Variants in TNFSF4 observed in about 807,000 individuals in gnomAD.
The protein encoded by TNFSF4 is TNF superfamily member 4.
Under a neutral mutation model 7.3 loss-of-function variants are expected in TNFSF4, and 4 were observed. That is an observed-to-expected ratio of 0.55 (90% CI 0.27 to 1.25). The LOEUF is 1.25. Ranked by LOEUF, TNFSF4 falls within the 50% of genes most tolerant of loss-of-function variation. TNFSF4 has a pLI of 0.12. For missense variants in TNFSF4, 181 were observed against 208.8 expected (o/e 0.87, Z 0.82); for synonymous variants, 76 against 83.7 (o/e 0.91, Z 0.50).
the TNFSF4 span, among the ~76,000 whole-genome samples, chr1:173,444,660 G>A: frequency 6.6e-6 from 1 of 152,150 alleles, no homozygotes; most frequent in Non-Finnish European, 1.5e-5. Context: ...CTGGTTCTTA[G>A]AGGTAATAAC....
chr1:173,215,265 CTG>C, the TNFSF4 span, among the ~76,000 whole-genome samples: 1 of 152,078 alleles, frequency 6.6e-6, no homozygotes, highest in East Asian at 1.9e-4. Context: ...GCCTCCAGAA[CTG>C]TGAGAAAATA....
chr1:173,216,085 A>C, the TNFSF4 span, among the ~76,000 whole-genome samples: 1 of 152,200 alleles, frequency 6.6e-6, no homozygotes, highest in Non-Finnish European at 1.5e-5. Flanking sequence ...GAGTTCATAA[A>C]GACTCAGAAG....
At chr1:173,330,625 C>T in the TNFSF4 span, among the ~76,000 whole-genome samples, 1,184 of 152,086 alleles carry the variant, frequency 7.8e-3, 17 homozygotes, top group African/African-American at 0.028. Flanking sequence ...CAGTAGAGCA[C>T]AAAGTAGGTC....
the TNFSF4 span, among the ~76,000 whole-genome samples, chr1:173,315,296 C>A: frequency 6.6e-6 from 1 of 152,086 alleles, no homozygotes; most frequent in Non-Finnish European, 1.5e-5. Context: ...AATCAGTCTG[C>A]TATTTCAATA....
the TNFSF4 span, among the ~76,000 whole-genome samples, chr1:173,378,878 C>T: frequency 6.7e-5 from 5 of 74,418 alleles, no homozygotes; most frequent in Non-Finnish European, 1.4e-4. Flanking sequence ...GAACCCCCCT[C>T]CCCCCCCACC....
chr1:173,231,271 G>A, the TNFSF4 span, among the ~76,000 whole-genome samples: 2 of 152,152 alleles, frequency 1.3e-5, no homozygotes, highest in African/African-American at 4.8e-5. Context: ...TTCACCCCTG[G>A]GATGCAAGGC....
the TNFSF4 span, among the ~76,000 whole-genome samples, chr1:173,288,328 T>TG: frequency 2.0e-5 from 3 of 152,078 alleles, no homozygotes; most frequent in South Asian, 6.2e-4. Flanking sequence ...CCCAGTTACT[T>TG]GGGGGGCTGA....
chr1:173,445,892 G>T, the TNFSF4 span, among the ~76,000 whole-genome samples: 18 of 152,144 alleles, frequency 1.2e-4, no homozygotes, highest in African/African-American at 4.3e-4. Flanking sequence ...TAGAGGTTCC[G>T]AAAACTGAGA....
At chr1:173,395,025 TAGATAGATAGATGATAGATAGATA>T in the TNFSF4 span, among the ~76,000 whole-genome samples, 1 of 123,906 alleles carries the variant, frequency 8.1e-6, no homozygotes, top group African/African-American at 3.0e-5. Flanking sequence ...GATAGATAGA[TAGATAGATAGATGATAGATAGATA>T]GATAGATAGA....
the TNFSF4 span, among the ~76,000 whole-genome samples, chr1:173,347,941 C>T: frequency 9.2e-5 from 14 of 152,150 alleles, no homozygotes; most frequent in East Asian, 2.5e-3. Flanking sequence ...GCCAAATGTT[C>T]CTGGCAGGGG....
At chr1:173,391,105 G>A in the TNFSF4 span, among the ~76,000 whole-genome samples, 2 of 151,744 alleles carry the variant, frequency 1.3e-5, no homozygotes, top group African/African-American at 2.4e-5. Context: ...TTTTCCTCTT[G>A]CTTAATAAAG....
the TNFSF4 span, among the ~76,000 whole-genome samples, chr1:173,428,099 C>T: frequency 2.6e-4 from 40 of 152,118 alleles, no homozygotes; most frequent in Non-Finnish European, 5.1e-4. Flanking sequence ...GCACCCGCCA[C>T]CACACCCGGC....
chr1:173,287,996 C>A, the TNFSF4 span, among the ~76,000 whole-genome samples: 43 of 152,214 alleles, frequency 2.8e-4, no homozygotes, highest in Admixed American at 5.9e-4. Context: ...TATAAAAATT[C>A]TTTGAACTAG....
chr1:173,205,401 G>A, intron 1 of TNFSF4: 1 of 1,605,966 alleles, frequency 6.2e-7, no homozygotes, highest in Non-Finnish European at 8.5e-7. Context: ...TTGTTGGAAA[G>A]GATCCCCTCT....
chr1:173,176,904 A>G, the TNFSF4 span, among the ~76,000 whole-genome samples: 1 of 152,220 alleles, frequency 6.6e-6, no homozygotes, highest in Non-Finnish European at 1.5e-5. Flanking sequence ...TATCACTTAT[A>G]AGTGGGAGCT....
chr1:173,314,928 A>C, the TNFSF4 span, among the ~76,000 whole-genome samples: 4 of 152,148 alleles, frequency 2.6e-5, no homozygotes, highest in Non-Finnish European at 5.9e-5. Context: ...AGCTATGGCC[A>C]CAGTTAAATG....
At chr1:173,430,211 CCA>C in the TNFSF4 span, among the ~76,000 whole-genome samples, 20 of 152,296 alleles carry the variant, frequency 1.3e-4, no homozygotes, top group Non-Finnish European at 5.9e-5. Context: ...AACAGCTGCG[CCA>C]AATTTGAATC....
chr1:173,310,650 T>C, the TNFSF4 span, among the ~76,000 whole-genome samples: 1 of 151,678 alleles, frequency 6.6e-6, no homozygotes, highest in Non-Finnish European at 1.5e-5. Flanking sequence ...TCAAATTTTC[T>C]ATAATTTTAT....
At chr1:173,334,980 A>G in the TNFSF4 span, among the ~76,000 whole-genome samples, 3 of 152,146 alleles carry the variant, frequency 2.0e-5, no homozygotes, top group African/African-American at 7.2e-5. Context: ...AGCAGAAATC[A>G]GAGGAACATG....
Sources: gnomAD v4.1 joint callset for allele counts (sites outside exome capture counted in the v4.1 genomes callset) on GRCh38, gnomAD v4.1.1 for gene constraint, MANE v1.5 for transcripts, NCBI Gene and HGNC (gene_info 2026-07-23, HGNC 2026-07-21) for gene names.